SENP8: variants seen among roughly 807,000 people sequenced by gnomAD.
SENP8 encodes the protein SUMO peptidase family member, NEDD8 specific.
SENP8 carries 10 observed loss-of-function variants against 14.4 expected under a neutral mutation model. The observed-to-expected ratio is 0.69, with a 90% CI of 0.43 to 1.18. The LOEUF (loss-of-function observed/expected upper bound fraction) is 1.18. SENP8 is among the 50% of genes most tolerant of loss of function. The pLI is 0.00. For synonymous variants in SENP8, 94 were observed against 95.5 expected (o/e 0.98, Z 0.09); for missense variants, 202 against 249.4 (o/e 0.81, Z 1.28).
chr15:72,131,182 C>G (rs1193075807), intron 1 of SENP8, among the ~76,000 whole-genome samples: 1 of 152,102 alleles, frequency 6.6e-6, no homozygotes, highest in Non-Finnish European at 1.5e-5. Flanking sequence ...CCAGCATGGG[C>G]GACACAGCAA....
intron 1 of SENP8, among the ~76,000 whole-genome samples, chr15:72,127,544 T>C (rs1459364827): frequency 1.3e-5 from 2 of 152,102 alleles, no homozygotes; most frequent in East Asian, 1.9e-4. Context: ...GGAGATAAGG[T>C]TGGAGAAATA....
chr15:72,117,473 A>C (rs778326057), upstream of SENP8, among the ~76,000 whole-genome samples: 38 of 151,174 alleles, frequency 2.5e-4, no homozygotes, highest in Non-Finnish European at 4.7e-4. Context: ...GAGGGCCGGA[A>C]TGGTGCCCGG....
chr15:72,143,345 TAAC>T lies in SENP8; in HGVS notation c.*3089_*3091del, dbSNP rs1398578250. ...GTCCTACTCAGTTCCATTTTAAGAC[TAAC>T]AACAAGTTTGAAAACTTAGTTTTAT... On this transcript the variant is annotated 3_prime_UTR_variant, in exon 2 of 2. Transcript: ENST00000340912. 1 of 152,202 alleles carries T rather than the reference TAAC, an allele frequency of 6.6e-6. No individual in the cohort carries two copies. The highest frequency in any genetic ancestry group is 2.4e-5 in the African/African-American group (1 of 41,446). 9.4% of individuals were successfully genotyped at this position (152,202 alleles called of 1,614,324 possible). A position where few individuals can be genotyped will look rare whatever the true frequency, so the allele number is the denominator to read the frequency against.
chr15:72,127,605 T>G (rs112511223), intron 1 of SENP8, among the ~76,000 whole-genome samples: 2 of 152,320 alleles, frequency 1.3e-5, no homozygotes, highest in East Asian at 1.9e-4. Flanking sequence ...TAGGGAATTT[T>G]CATTTTTTTC....
At chr15:72,115,373 G>A (rs76709154), upstream of SENP8, among the ~76,000 whole-genome samples, 28 of 152,198 alleles carry the variant, frequency 1.8e-4, no homozygotes, top group East Asian at 5.2e-3. Flanking sequence ...AACTGAACAT[G>A]TCACAAATTA....
rs1383548305 is a variant in SENP8, at chr15:72,142,103, A to G, written c.*1841A>G. The stretch of plus-strand genomic sequence containing the variant: ...GATTCATCTTATAAGTAAATTTATA[A>G]GTAAATTTTTAAACTACACTAGTCT... On this transcript the variant is annotated 3_prime_UTR_variant, in exon 2 of 2. Transcript: ENST00000340912. The G allele has an allele frequency of 6.6e-6, 1 of 152,220 alleles. No homozygotes were observed. Among genetic ancestry groups the G allele is most frequent in the Non-Finnish European group, 1.5e-5 (1 of 68,036 alleles). 9.4% of individuals were successfully genotyped at this position (152,220 alleles called of 1,614,324 possible). A position where few individuals can be genotyped will look rare whatever the true frequency, so the allele number is the denominator to read the frequency against.
chr15:72,139,701 G>C lies in SENP8; in HGVS notation c.78G>C (p.Trp26Cys). 2.5e-6 allele frequency: 4 copies of C among 1,614,134 alleles called. No individual in the cohort carries two copies. The highest frequency in any genetic ancestry group is 3.4e-6 in the Non-Finnish European group (4 of 1,180,024). Residue 26 changes from tryptophan to cysteine, a missense_variant, in exon 2 of 2, where the codon TGG (tryptophan) becomes TGC (cysteine). Coordinates refer to ENST00000340912, the MANE Select transcript of SENP8 (RefSeq NM_145204.4). ...TCTCACTATTGGATCCGCCAAGCTG[G>C]CTCAATGACCATATTATTGGGTTTG... ...SDVSLLDPPS[W>C]LNDHIIGFAF...
chr15:72,118,036 A>G, upstream of SENP8: 1 of 396,460 alleles, frequency 2.5e-6, no homozygotes, highest in East Asian at 3.6e-5. Context: ...CTCTCTCAAC[A>G]GACACAGCCA....
intron 1 of SENP8, among the ~76,000 whole-genome samples, chr15:72,127,936 A>G (rs984364146): frequency 1.3e-5 from 2 of 152,162 alleles, no homozygotes; most frequent in African/African-American, 4.8e-5. Flanking sequence ...AAAAAAAAAT[A>G]TTAATTAGCC....
At chr15:72,130,454 T>G (rs113582349) in intron 1 of SENP8, among the ~76,000 whole-genome samples, 2,419 of 152,294 alleles carry the variant, frequency 0.016, 74 homozygotes, top group African/African-American at 0.055. Context: ...TGAACATGAC[T>G]TAGTCCAATA....
chr15:72,118,262 T>A (rs915757356), upstream of SENP8: 1 of 310,862 alleles, frequency 3.2e-6, no homozygotes, highest in Non-Finnish European at 5.9e-6. Context: ...ACGCCCCCTT[T>A]CCTACGCCCC....
At chr15:72,136,302 G>A (rs2081326929) in intron 1 of SENP8, among the ~76,000 whole-genome samples, 1 of 152,112 alleles carries the variant, frequency 6.6e-6, no homozygotes, top group Non-Finnish European at 1.5e-5. Context: ...TTGTCTTATG[G>A]ACATTGTGAA....
chr15:72,139,823 A>G lies in SENP8; in HGVS notation c.200A>G (p.Asn67Ser), dbSNP rs772426089. ...EVTQFIKCTS[N>S]PAEIAMFLEP... is the part of the protein sequence containing the mutation. ...ACCCAGTTCATCAAGTGCACTAGCAACCCAGCAGAGATTGCCATGTTCCTT... is the reference window on the plus strand; with the variant it reads ...ACCCAGTTCATCAAGTGCACTAGCAGCCCAGCAGAGATTGCCATGTTCCTT... Residue 67 changes from asparagine to serine, a missense_variant, in exon 2 of 2, where the codon AAC (asparagine) becomes AGC (serine). Transcript: ENST00000340912. The G allele has an allele frequency of 5.0e-6, 8 of 1,614,196 alleles. No homozygotes were observed. The highest frequency in any genetic ancestry group is 2.7e-5 in the African/African-American group (2 of 75,054).
At chr15:72,136,733 T>C (rs2081331141) in intron 1 of SENP8, among the ~76,000 whole-genome samples, 1 of 152,230 alleles carries the variant, frequency 6.6e-6, no homozygotes, top group Non-Finnish European at 1.5e-5. Flanking sequence ...TTGATTAAAT[T>C]GATGTCATAA....
rs1386983590 is a variant in SENP8 at position 72,140,271 on chromosome 15, G to A, written c.*9G>A. 1.9e-6 allele frequency: 3 copies of A among 1,597,090 alleles called. No homozygotes were observed. Among genetic ancestry groups the A allele is most frequent in the Non-Finnish European group, 2.6e-6 (3 of 1,165,840 alleles). On this transcript the variant is annotated 3_prime_UTR_variant, in exon 2 of 2. Transcript: ENST00000340912. ...CACTTGCTAAAAAGTAGCTATTGAAGTATATTTGCGACTTTTGAAGGCTCC... is the reference window on the plus strand; with the variant it reads ...CACTTGCTAAAAAGTAGCTATTGAAATATATTTGCGACTTTTGAAGGCTCC...
At chr15:72,128,987 G>T (rs898029310) in intron 1 of SENP8, among the ~76,000 whole-genome samples, 1 of 152,048 alleles carries the variant, frequency 6.6e-6, no homozygotes, top group Admixed American at 6.6e-5. Flanking sequence ...ATGAGTAAAG[G>T]TCACAATTCT....
upstream of SENP8, chr15:72,118,078 G>GCGCGCCCCCGACCC (rs2081071337): frequency 2.5e-6 from 1 of 393,928 alleles, no homozygotes; most frequent in African/African-American, 2.1e-5. Context: ...CGCTTCGGTC[G>GCGCGCCCCCGACCC]CGCGCCCCCG....
At chr15:72,135,602 G>A (rs1288929297) in intron 1 of SENP8, among the ~76,000 whole-genome samples, 3 of 152,158 alleles carry the variant, frequency 2.0e-5, no homozygotes, top group African/African-American at 7.2e-5. Flanking sequence ...TTTTGGCAAA[G>A]GGTGGGTTTG....
intron 1 of SENP8, among the ~76,000 whole-genome samples, chr15:72,120,187 G>A (rs2081151689): frequency 1.3e-5 from 2 of 152,184 alleles, no homozygotes; most frequent in African/African-American, 4.8e-5. Context: ...TTAGTAATGA[G>A]ATATAAAGAT....
Sources: gnomAD v4.1 joint callset for allele counts (sites outside exome capture counted in the v4.1 genomes callset) on GRCh38, gnomAD v4.1.1 for gene constraint, MANE v1.5 for transcripts, NCBI Gene and HGNC (gene_info 2026-07-23, HGNC 2026-07-21) for gene names.